The following COL27A1 variants were observed in gnomAD, a reference collection of about 807,000 sequenced individuals.
COL27A1 encodes the protein collagen alpha-1(XXVII) chain.
COL27A1 carries 106 observed loss-of-function variants against 251.3 expected under a neutral mutation model. The observed-to-expected ratio is 0.42, with a 90% confidence interval of 0.36 to 0.50. The LOEUF (loss-of-function observed/expected upper bound fraction) is 0.50, where lower values mean the gene tolerates loss of function less well. Ranked by LOEUF, COL27A1 falls within the 20% of genes least tolerant of loss-of-function variation. COL27A1 has a pLI of 0.00. For missense variants in COL27A1, 2,325 were observed against 2,522.8 expected (o/e 0.92, Z 1.68); for synonymous variants, 1,000 against 986.3 (o/e 1.01, Z -0.26).
chr9:114,227,123 A>G (rs1201004306), intron 14 of COL27A1, among the ~76,000 whole-genome samples: 1 of 152,122 alleles, frequency 6.6e-6, no homozygotes, highest in Non-Finnish European at 1.5e-5. Flanking sequence ...AAGGAGGAAG[A>G]GCAGGGCAGG....
chr9:114,286,522 G>T (rs1827500061), intron 41 of COL27A1, among the ~76,000 whole-genome samples: 1 of 152,152 alleles, frequency 6.6e-6, no homozygotes, highest in Admixed American at 6.5e-5. Flanking sequence ...TGCTCACCGT[G>T]GGGGTGAGCT....
At position 114,296,908 on chromosome 9, in the gene COL27A1, T is replaced by C. The variant is rs750185763; in HGVS notation, c.4585-3162T>C. 1.0e-3 allele frequency among the ~76,000 whole-genome samples: 152 copies of C among 152,208 alleles called. 1 individual carries two copies. Among genetic ancestry groups the C allele is most frequent in the Non-Finnish European group, 1.1e-3 (77 of 68,040 alleles). Reference sequence around the variant, plus strand: ...TATTAATATATGCAACAACATAAGATGATTCTCAAAATAATTAGGCTGAGT... The same window carrying C: ...TATTAATATATGCAACAACATAAGACGATTCTCAAAATAATTAGGCTGAGT... On this transcript the variant is annotated intron_variant, in intron 49 of 60. Coordinates refer to ENST00000356083, the MANE Select transcript of COL27A1 (RefSeq NM_032888.4).
intron 28 of COL27A1, among the ~76,000 whole-genome samples, chr9:114,263,227 G>A (rs546153379): frequency 1.2e-3 from 186 of 152,186 alleles, no homozygotes; most frequent in African/African-American, 4.3e-3. Context: ...GTGAGCCACT[G>A]TGCCCAGCCT....
intron 10 of COL27A1, among the ~76,000 whole-genome samples, chr9:114,207,311 G>A (rs1278345523): frequency 6.6e-6 from 1 of 152,150 alleles, no homozygotes; most frequent in South Asian, 2.1e-4. Context: ...GAGTGGGGGC[G>A]GGGAGGTGCA....
intron 16 of COL27A1, among the ~76,000 whole-genome samples, chr9:114,234,872 G>GC (rs1832246984): frequency 6.7e-6 from 1 of 150,246 alleles, no homozygotes; most frequent in African/African-American, 2.5e-5. Flanking sequence ...TTCAAGACCA[G>GC]CTTGGGCAAC....
At chr9:114,303,554 T>G (rs921870755) in intron 56 of COL27A1, among the ~76,000 whole-genome samples, 14 of 152,144 alleles carry the variant, frequency 9.2e-5, no homozygotes, top group Admixed American at 9.2e-4. Context: ...GTGCTTTTCA[T>G]GTATTCACTC....
In COL27A1 at chr9:114,237,051, C is replaced by T. The variant is rs1564507115; in HGVS notation, c.2673+17C>T. ...GGGCCTCTGGTAAGTACCTGCTCCTCCAGCACCCCCAAACCTCACACTCTC... is the reference window on the plus strand; with the variant it reads ...GGGCCTCTGGTAAGTACCTGCTCCTTCAGCACCCCCAAACCTCACACTCTC... On this transcript the variant is annotated intron_variant, in intron 18 of 60. Coordinates refer to ENST00000356083, the MANE Select transcript of COL27A1 (RefSeq NM_032888.4). The T allele has an allele frequency of 1.3e-6, 2 of 1,588,212 alleles. No individual in the cohort carries two copies. Among genetic ancestry groups the T allele is most frequent in the Middle Eastern group, 1.7e-4 (1 of 5,922 alleles).
At chr9:114,299,919 C>A in intron 49 of COL27A1, 151 bp from the exon 50 acceptor site, 1 of 670,350 alleles carries the variant, frequency 1.5e-6, no homozygotes, top group Admixed American at 2.3e-5. Context: ...AGTTTGTGAG[C>A]TGTTCACACT....
chr9:114,290,161 AC>A lies in COL27A1; in HGVS notation c.4260+51del. ...CAGCCAACCTCCCTGCCCGCCCCCC[AC>A]ACCCGCCCTCCTCCCACTCCCTGCA... On this transcript the variant is annotated intron_variant, in intron 46 of 60. Transcript: ENST00000356083. The surrounding 1 kb of genome is among the most constrained non-coding windows in gnomAD (Gnocchi z 4.6). 1 of 953,794 alleles carries A rather than the reference AC, an allele frequency of 1.0e-6. No homozygotes were observed. The highest frequency in any genetic ancestry group is 1.6e-6 in the Non-Finnish European group (1 of 636,988). The allele number at this position is 953,794 out of a possible 1,614,324, so 59.1% of individuals were successfully genotyped here.
At chr9:114,230,679 TC>T (rs891734051) in intron 14 of COL27A1, among the ~76,000 whole-genome samples, 5 of 151,794 alleles carry the variant, frequency 3.3e-5, no homozygotes, top group African/African-American at 9.7e-5. Flanking sequence ...GCCAGAGGAG[TC>T]AGAACTTCCA....
At chr9:114,234,644 TC>T (rs1832229512) in intron 16 of COL27A1, among the ~76,000 whole-genome samples, 1 of 152,188 alleles carries the variant, frequency 6.6e-6, no homozygotes, top group Non-Finnish European at 1.5e-5. Flanking sequence ...AGAATCAGTG[TC>T]ACGAAGCCTG....
At chr9:114,307,637 C>G in intron 58 of COL27A1, 32 bp from the exon 59 acceptor site, 1 of 1,449,380 alleles carries the variant, frequency 6.9e-7, no homozygotes, top group Non-Finnish European at 9.7e-7. Flanking sequence ...CCCCCAGATA[C>G]ATACATCACC....
At chr9:114,231,047 C>G (rs1363780868) in intron 14 of COL27A1, 32 bp from the exon 15 acceptor site, 2 of 1,605,960 alleles carry the variant, frequency 1.2e-6, no homozygotes, top group Non-Finnish European at 8.5e-7. Context: ...GGCCACTGCT[C>G]ACAGCACCCT....
At chr9:114,244,092 A>AT (rs1410626533) in intron 23 of COL27A1, among the ~76,000 whole-genome samples, 1 of 151,858 alleles carries the variant, frequency 6.6e-6, no homozygotes, top group Admixed American at 6.6e-5. Flanking sequence ...CGCCCAGCTA[A>AT]TTTTTTTGTA....
chr9:114,248,028 C>T (rs187187281), intron 24 of COL27A1, among the ~76,000 whole-genome samples: 1 of 152,182 alleles, frequency 6.6e-6, no homozygotes, highest in Non-Finnish European at 1.5e-5. Flanking sequence ...GTATTACTGT[C>T]CTCATTTTGC....
chr9:114,300,130 A>G lies in COL27A1; in HGVS notation c.4638+7A>G. On this transcript the variant is annotated splice_region_variant and intron_variant, in intron 50 of 60. Coordinates refer to ENST00000356083, the MANE Select transcript of COL27A1 (RefSeq NM_032888.4). ...AGGTCTCTTCGGACCCAAGGTATGG[A>G]CTCCCACGGCTCACTGTTCCTGTGG... is the stretch of plus-strand genomic sequence containing the variant. The G allele has an allele frequency of 6.2e-7, 1 of 1,613,550 alleles. No homozygotes were observed. The highest frequency in any genetic ancestry group is 8.5e-7 in the Non-Finnish European group (1 of 1,179,752).
intron 3 of COL27A1, among the ~76,000 whole-genome samples, chr9:114,174,356 A>C (rs922346358): frequency 6.6e-6 from 1 of 152,166 alleles, no homozygotes; most frequent in East Asian, 1.9e-4. Flanking sequence ...CCAGACCAGA[A>C]GGTCCCAGGG....
At chr9:114,189,219 A>T in intron 5 of COL27A1, among the ~76,000 whole-genome samples, 1 of 152,198 alleles carries the variant, frequency 6.6e-6, no homozygotes, top group East Asian at 1.9e-4. Flanking sequence ...AATTAAAACC[A>T]TCTGGAATTC....
intron 55 of COL27A1, 138 bp downstream of exon 55, chr9:114,301,855 T>C (rs978755408): frequency 6.4e-6 from 6 of 939,396 alleles, no homozygotes; most frequent in Admixed American, 2.5e-5. Context: ...TAGGAGAGTA[T>C]AGGGCATCCC....
Sources: gnomAD v4.1 joint callset for allele counts (sites outside exome capture counted in the v4.1 genomes callset) on GRCh38, gnomAD v4.1.1 for gene constraint, Gnocchi (gnomAD v3.1) non-coding constraint, MANE v1.5 for transcripts, NCBI Gene and HGNC (gene_info 2026-07-23, HGNC 2026-07-21) for gene names.